DNAH12: variants seen among roughly 807,000 people sequenced by gnomAD.
DNAH12 encodes dynein axonemal heavy chain 12.
Under a neutral mutation model 371.5 loss-of-function variants are expected in DNAH12, and 285 were observed. That is an observed-to-expected ratio of 0.77 (90% CI 0.70 to 0.85). DNAH12 has a LOEUF of 0.85. DNAH12 is among the 40% of genes least tolerant of loss of function. DNAH12 has a pLI of 0.00. For synonymous variants in DNAH12, 1,200 were observed against 1,213.0 expected, an observed-to-expected ratio of 0.99 and a Z score of 0.22; for missense variants, 3,611 against 3,689.4, an observed-to-expected ratio of 0.98 and a Z score of 0.55.
intron 13 of DNAH12, among the ~76,000 whole-genome samples, chr3:57,475,246 C>A (rs1487481118): frequency 6.6e-6 from 1 of 152,018 alleles, no homozygotes; most frequent in Non-Finnish European, 1.5e-5. Flanking sequence ...ACACAGAAAG[C>A]ACTAGGTATA....
chr3:57,489,718 AAT>A, intron 11 of DNAH12, 31 bp from the exon 12 acceptor site: 1 of 1,472,868 alleles, frequency 6.8e-7, no homozygotes, highest in Non-Finnish European at 9.0e-7. Flanking sequence ...TGAAAAAAAA[AAT>A]GTTTAGAACT....
intron 48 of DNAH12, 98 bp downstream of exon 48, chr3:57,385,251 C>A (rs2063478183): frequency 1.3e-5 from 2 of 152,182 alleles, no homozygotes; most frequent in Non-Finnish European, 2.9e-5. Context: ...AGGGTAAAGT[C>A]TCTAAAGTCT....
At chr3:57,445,993 TAAAATAAA>T (rs2065479673) in intron 27 of DNAH12, 30 bp downstream of exon 27, 10 of 1,394,654 alleles carry the variant, frequency 7.2e-6, no homozygotes, top group Non-Finnish European at 9.3e-6. Flanking sequence ...TTCAAAAACA[TAAAATAAA>T]TAAATAAATA....
chr3:57,429,632 G>A (rs959549061), intron 33 of DNAH12, 59 bp downstream of exon 33: 2 of 1,436,404 alleles, frequency 1.4e-6, no homozygotes, highest in South Asian at 1.4e-5. Context: ...AATACTTATT[G>A]GCTAAATTAA....
At chr3:57,343,787 C>T (rs983699643) in intron 60 of DNAH12, among the ~76,000 whole-genome samples, 3 of 152,118 alleles carry the variant, frequency 2.0e-5, no homozygotes, top group Admixed American at 6.5e-5. Context: ...GGAGAAAAAC[C>T]GCCCTATGGT....
At chr3:57,316,400 T>C (rs1383778136) in intron 65 of DNAH12, among the ~76,000 whole-genome samples, 1 of 152,204 alleles carries the variant, frequency 6.6e-6, no homozygotes, top group Admixed American at 6.5e-5. Context: ...AACAACCTTG[T>C]CATAATAGTT....
chr3:57,351,473 T>C (rs906723528), intron 60 of DNAH12, among the ~76,000 whole-genome samples: 15 of 152,156 alleles, frequency 9.9e-5, no homozygotes, highest in African/African-American at 3.4e-4. Flanking sequence ...AGAGTGTTCA[T>C]AGCACCATTA....
rs1225489251 is a variant in DNAH12 at position 57,405,667 on chromosome 3, T to C, written c.6562A>G (p.Lys2188Glu). The C allele has an allele frequency of 1.7e-5, 27 of 1,550,584 alleles. No individual in the cohort carries two copies. The highest frequency in any genetic ancestry group is 3.9e-5 in the Admixed American group (2 of 50,956). The part of the protein sequence containing the change: ...SFHSIFSHLR[K>E]QNAPVTEEDL... ...GCCATACTCACTGGTGCATTTTGTTTCCTCAAATGTGAAAAGATACTGTGA... is the reference window on the plus strand; with the variant it reads ...GCCATACTCACTGGTGCATTTTGTTCCCTCAAATGTGAAAAGATACTGTGA... The change falls in exon 41 of 74, where the codon AAA becomes GAA. Residue 2188 changes from lysine (K) to glutamate (E), a missense_variant. By Grantham distance (56) the Lys-to-Glu change is moderately conservative. Coordinates refer to ENST00000495027, the MANE Select transcript of DNAH12 (RefSeq NM_001366028.2).
intron 44 of DNAH12, among the ~76,000 whole-genome samples, chr3:57,392,577 T>C (rs1280772842): frequency 6.6e-6 from 1 of 151,942 alleles, no homozygotes; most frequent in African/African-American, 2.4e-5. Flanking sequence ...GCAGTGAGAC[T>C]TCATCTCTAG....
At chr3:57,536,200 A>T (rs575809460) in intron 2 of DNAH12, 1 of 152,320 alleles carries the variant, frequency 6.6e-6, no homozygotes, top group South Asian at 2.1e-4. Flanking sequence ...AAAATAGACT[A>T]GGATACTTCT....
At chr3:57,398,852 CAA>C (rs1384222793) in intron 43 of DNAH12, among the ~76,000 whole-genome samples, 2 of 152,210 alleles carry the variant, frequency 1.3e-5, no homozygotes, top group East Asian at 3.9e-4. Flanking sequence ...TGAAGCCATA[CAA>C]AAGTATAAAG....
chr3:57,322,475 T>TACTG lies in DNAH12; in HGVS notation c.10388_10391dup (p.Thr3465SerfsTer12). Reference sequence around the variant, plus strand: ...TTTTTACTCCATTCTGTAGAATTGTTACTGGGAACTAAGACAAAATAAATG... The same window carrying TACTG: ...TTTTTACTCCATTCTGTAGAATTGTTACTGACTGGGAACTAAGACAAAATAAATG... On this transcript the variant is annotated frameshift_variant, in exon 65 of 74. Transcript: ENST00000495027. LOFTEE classifies it high-confidence loss of function. 6.4e-7 allele frequency: 1 copy of TACTG among 1,551,482 alleles called. No homozygotes were observed. The highest frequency in any genetic ancestry group is 1.2e-5 in the South Asian group (1 of 83,766).
intron 43 of DNAH12, among the ~76,000 whole-genome samples, chr3:57,394,655 A>C (rs2063699952): frequency 6.6e-6 from 1 of 152,184 alleles, no homozygotes; most frequent in South Asian, 2.1e-4. Flanking sequence ...TCTGAGATGG[A>C]ATATATAAAG....
intron 39 of DNAH12, among the ~76,000 whole-genome samples, chr3:57,409,427 A>G (rs982807258): frequency 1.3e-5 from 2 of 152,168 alleles, no homozygotes; most frequent in Non-Finnish European, 2.9e-5. Context: ...AAAGCCAATA[A>G]AACGAATGAG....
At chr3:57,523,722 C>T in intron 3 of DNAH12, 81 bp downstream of exon 3, 3 of 1,327,506 alleles carry the variant, frequency 2.3e-6, no homozygotes, top group Non-Finnish European at 3.0e-6. Context: ...CTTTTAAAAA[C>T]ATCAGTTATA....
chr3:57,475,352 CAAAG>C (rs1242525951), intron 13 of DNAH12, among the ~76,000 whole-genome samples: 2 of 151,526 alleles, frequency 1.3e-5, no homozygotes, highest in Admixed American at 1.3e-4. Flanking sequence ...AAGAGAGAGA[CAAAG>C]AAAGAAAGAA....
chr3:57,529,954 G>T (rs562129228), intron 2 of DNAH12, among the ~76,000 whole-genome samples: 1 of 152,146 alleles, frequency 6.6e-6, no homozygotes, highest in African/African-American at 2.4e-5. Context: ...TTTGTTTCAA[G>T]AAAATTTTCA....
upstream of DNAH12, among the ~76,000 whole-genome samples, chr3:57,545,053 C>T (rs1264674494): frequency 6.7e-6 from 1 of 150,320 alleles, no homozygotes; most frequent in African/African-American, 2.5e-5. Flanking sequence ...AGAGTAGGTG[C>T]TCTAAAATGT....
chr3:57,552,684 T>C, the DNAH12 span, among the ~76,000 whole-genome samples: 1 of 151,752 alleles, frequency 6.6e-6, no homozygotes, highest in Non-Finnish European at 1.5e-5. Flanking sequence ...CTGAGGCAGG[T>C]GGATCGCTTG....
Sources: allele counts gnomAD v4.1 joint callset (sites outside exome capture counted in the v4.1 genomes callset), GRCh38; gene constraint gnomAD v4.1.1; transcripts MANE v1.5; gene names NCBI Gene and HGNC (gene_info 2026-07-23, HGNC 2026-07-21).